The following HLA-DQA1 variants were observed in gnomAD, a reference collection of about 807,000 sequenced individuals.
HLA-DQA1 encodes the protein major histocompatibility complex, class II, DQ alpha 1.
HLA-DQA1 carries 10 observed loss-of-function variants against 20.7 expected under a neutral mutation model. The observed-to-expected ratio is 0.48, with a 90% CI of 0.30 to 0.82. HLA-DQA1 has a LOEUF of 0.82. HLA-DQA1 is among the 40% of genes least tolerant of loss of function. The pLI is 0.07. For synonymous variants in HLA-DQA1, 39 were observed against 109.2 expected (o/e 0.36, Z 4.01); for missense variants, 127 against 293.0 (o/e 0.43, Z 4.14).
Position 32,637,419 on chromosome 6 carries a change from A to C in HLA-DQA1, c.-40A>C. 1 of 1,001,884 alleles carries C rather than the reference A, an allele frequency of 1.0e-6. No homozygotes were observed. The highest frequency in any genetic ancestry group is 1.4e-6 in the Non-Finnish European group (1 of 700,096). 62.1% of individuals were successfully genotyped at this position (1,001,884 alleles called of 1,614,324 possible). ...CTTGAGGTCCTCACAATTACTCTAC[A>C]GCTCAGAACACCAACTGCTGAGGCT... On this transcript the variant is annotated 5_prime_UTR_variant, in exon 1 of 5. Transcript: ENST00000343139.
At chr6:32,645,903 G>A (rs9273211), downstream of HLA-DQA1, 5 of 58,494 alleles carry the variant, frequency 8.5e-5, no homozygotes, top group Non-Finnish European at 1.1e-4. Flanking sequence ...TAATATAAGG[G>A]GTATACTGAA....
At chr6:32,651,588 C>CAAAAAAAAAAAAAAAAAA (rs70996710), downstream of HLA-DQA1, among the ~76,000 whole-genome samples, 44 of 15,240 alleles carry the variant, frequency 2.9e-3, 4 homozygotes, top group South Asian at 4.6e-3. Flanking sequence ...CGTCTCAAAG[C>CAAAAAAAAAAAAAAAAAA]AAAAAAAAAA....
chr6:32,646,876 G>C (rs867495345), downstream of HLA-DQA1: 5 of 70,910 alleles, frequency 7.1e-5, 2 homozygotes, highest in African/African-American at 2.3e-4. Flanking sequence ...AAGAGAGAGA[G>C]AGAAGAGAAG....
At chr6:32,638,303 G>C (rs148749950) in intron 1 of HLA-DQA1, among the ~76,000 whole-genome samples, 1,500 of 116,040 alleles carry the variant, frequency 0.013, 16 homozygotes, top group East Asian at 0.026. Flanking sequence ...GAAAAAATTG[G>C]TAAAATAAAT....
Position 32,639,281 on chromosome 6 carries a change from GA to G in HLA-DQA1, c.82+1745del, listed in dbSNP as rs976084252. 96 of 130,956 alleles carry G rather than the reference GA, an allele frequency of 7.3e-4. 16 individuals carry two copies. Among genetic ancestry groups the G allele is most frequent in the Non-Finnish European group, 1.6e-4 (10 of 61,174 alleles). 8.1% of individuals were successfully genotyped at this position (130,956 alleles called of 1,614,324 possible). A position where few individuals can be genotyped will look rare whatever the true frequency, so the allele number is the denominator to read the frequency against. Reference sequence around the variant, plus strand: ...AAAATAATGGAATATTAGAGCCTAAGAAAATGTTTTAACTTTTAATTCAGCC... The same window carrying G: ...AAAATAATGGAATATTAGAGCCTAAGAAATGTTTTAACTTTTAATTCAGCC... On this transcript the variant is annotated intron_variant, in intron 1 of 4. Coordinates refer to ENST00000343139, the MANE Select transcript of HLA-DQA1 (RefSeq NM_002122.5).
At chr6:32,651,743 A>T (rs1288636984), downstream of HLA-DQA1, among the ~76,000 whole-genome samples, 2 of 94,396 alleles carry the variant, frequency 2.1e-5, 1 homozygote. Flanking sequence ...TAAGGGAAAA[A>T]TTTCCAAATA....
chr6:32,641,949 C>T (rs9272743), intron 2 of HLA-DQA1, 23 bp from the exon 3 acceptor site: 230,612 of 1,224,900 alleles, frequency 0.19, 46,322 homozygotes, highest in Middle Eastern at 0.3. Context: ...ACACTTCACA[C>T]CAGTGCTGTT....
chr6:32,641,176 C>T (rs9272682), intron 1 of HLA-DQA1, 134 bp from the exon 2 acceptor site: 9,640 of 549,706 alleles, frequency 0.018, 1,444 homozygotes, highest in Admixed American at 0.04. Flanking sequence ...GAAGCAGGGG[C>T]TGGAAATGTC....
At chr6:32,637,867 AT>A (rs1781002510) in intron 1 of HLA-DQA1, among the ~76,000 whole-genome samples, 1 of 119,178 alleles carries the variant, frequency 8.4e-6, no homozygotes, top group Non-Finnish European at 1.8e-5. Flanking sequence ...ATTATTAAAA[AT>A]TTATGAAGTG....
chr6:32,641,138 T>C (rs9272678), intron 1 of HLA-DQA1, among the ~76,000 whole-genome samples, 172 bp from the exon 2 acceptor site: 16,972 of 101,952 alleles, frequency 0.17, 3,000 homozygotes, highest in East Asian at 0.38. Context: ...CACTTTTAAC[T>C]GGACAACTAC....
chr6:32,645,112 C>T (rs1781807211), downstream of HLA-DQA1: 1 of 137,366 alleles, frequency 7.3e-6, no homozygotes, highest in Non-Finnish European at 1.6e-5. Flanking sequence ...GAATATATAA[C>T]ACCAAGAGTT....
chr6:32,642,970 G>T lies in HLA-DQA1; in HGVS notation c.*39G>T. ...GTTGCAGGTGCATCGCCATCTACAG[G>T]AGCAGAAGAATGGACTTGCTAAATG... On this transcript the variant is annotated 3_prime_UTR_variant, in exon 5 of 5. Transcript: ENST00000343139. The T allele has an allele frequency of 2.2e-6, 1 of 460,726 alleles. No homozygotes were observed. Among genetic ancestry groups the T allele is most frequent in the Non-Finnish European group, 3.9e-6 (1 of 255,538 alleles). The allele number at this position is 460,726 out of a possible 1,614,324, so 28.5% of individuals were successfully genotyped here.
At chr6:32,647,332 G>T (rs28453802), downstream of HLA-DQA1, among the ~76,000 whole-genome samples, 32,220 of 95,392 alleles carry the variant, frequency 0.34, 12,927 homozygotes, top group Admixed American at 0.37. Context: ...AGCTGGGCGT[G>T]GTGGTGGGCA....
At chr6:32,651,588 C>CAAAAAAAAAAAAAA (rs70996710), downstream of HLA-DQA1, among the ~76,000 whole-genome samples, 61 of 15,264 alleles carry the variant, frequency 4.0e-3, 7 homozygotes, top group South Asian at 0.014. Flanking sequence ...CGTCTCAAAG[C>CAAAAAAAAAAAAAA]AAAAAAAAAA....
At chr6:32,648,944 C>T (rs149935281), downstream of HLA-DQA1, among the ~76,000 whole-genome samples, 4,805 of 96,690 alleles carry the variant, frequency 0.05, 1,708 homozygotes, top group Middle Eastern at 0.11. Context: ...TCTCAGGATA[C>T]AAAATCAAAG....
the HLA-DQA1 span, among the ~76,000 whole-genome samples, chr6:32,652,514 G>A: frequency 6.6e-6 from 1 of 151,766 alleles, no homozygotes; most frequent in Non-Finnish European, 1.5e-5. Context: ...TACTATAGCA[G>A]TTCCTTGGCA....
At chr6:32,647,732 A>T (rs1782024077), downstream of HLA-DQA1, among the ~76,000 whole-genome samples, 1 of 152,150 alleles carries the variant, frequency 6.6e-6, no homozygotes, top group Admixed American at 6.5e-5. Context: ...AGAACTAATA[A>T]CAGCAAAGGA....
downstream of HLA-DQA1, chr6:32,644,108 AG>A (rs1447747762): frequency 1.3e-5 from 2 of 152,054 alleles, no homozygotes; most frequent in African/African-American, 2.4e-5. Context: ...AGCTTATGAG[AG>A]AAACCCTAGG....
intron 4 of HLA-DQA1, 24 bp downstream of exon 4, chr6:32,642,808 T>A: frequency 9.7e-7 from 1 of 1,029,780 alleles, no homozygotes; most frequent in Non-Finnish European, 1.4e-6. Context: ...TGGTTACAGT[T>A]GAAGCGGCAG....
Sources: allele counts gnomAD v4.1 joint callset (sites outside exome capture counted in the v4.1 genomes callset), GRCh38; gene constraint gnomAD v4.1.1; transcripts MANE v1.5; gene names NCBI Gene and HGNC (gene_info 2026-07-23, HGNC 2026-07-21).